Variants in PHB2 observed in about 807,000 individuals in gnomAD.
PHB2 encodes the protein prohibitin 2.
A neutral mutation model predicts 46.4 loss-of-function variants in PHB2; 22 were observed. The observed-to-expected ratio is 0.47, with a 90% CI of 0.34 to 0.68. The LOEUF (loss-of-function observed/expected upper bound fraction) is 0.68. PHB2 is among the 30% of genes least tolerant of loss of function. PHB2 has a pLI of 0.01. For synonymous variants in PHB2, 156 were observed against 150.5 expected (o/e 1.04, Z -0.27); for missense variants, 305 against 382.8 (o/e 0.80, Z 1.70).
chr12:6,969,755 CG>C, intron 2 of PHB2, among the ~76,000 whole-genome samples, 178 bp from the exon 3 acceptor site: 1 of 152,142 alleles, frequency 6.6e-6, no homozygotes, highest in East Asian at 1.9e-4. Context: ...AAAAATTAGC[CG>C]GGCGTGGTGG....
chr12:6,970,703 C>T, upstream of PHB2: 2 of 982,490 alleles, frequency 2.0e-6, no homozygotes, highest in Non-Finnish European at 2.9e-6. Flanking sequence ...AAACCCTCCC[C>T]CTTAGCCCAC....
intron 2 of PHB2, 46 bp downstream of exon 2, chr12:6,970,150 C>A: frequency 7.2e-7 from 1 of 1,396,700 alleles, no homozygotes; most frequent in Non-Finnish European, 1.0e-6. Context: ...GCTGGGTCGG[C>A]GTCAAGGGTG....
rs1555151960 is a variant in PHB2, at chr12:6,970,550, T to C, written c.-7A>G. On this transcript the variant is annotated 5_prime_UTR_variant, in exon 1 of 10. Transcript: ENST00000535923. ...CCTTCAAGTTCTGGGCCATGTCTGATCTTGAGGCCGGCGGCACTGGAGGTC... is the reference window on the plus strand; with the variant it reads ...CCTTCAAGTTCTGGGCCATGTCTGACCTTGAGGCCGGCGGCACTGGAGGTC... The C allele has an allele frequency of 4.4e-6, 7 of 1,590,838 alleles. No homozygotes were observed. In the South Asian group the frequency reaches 5.6e-5, roughly 13 times the overall value.
At chr12:6,968,079 AAAGG>A (rs1555151199) in intron 4 of PHB2, 58 bp from the exon 5 acceptor site, 2 of 1,505,574 alleles carry the variant, frequency 1.3e-6, no homozygotes, top group African/African-American at 2.8e-5. Flanking sequence ...TGGGGAGCTG[AAAGG>A]AAGGTTGCGA....
In PHB2 at chr12:6,970,183, T is replaced by C. The variant is rs782509430; in HGVS notation, c.212+13A>G. On this transcript the variant is annotated intron_variant, in intron 2 of 9. Transcript: ENST00000535923. ...GTGAAAGGTCAGGGTCAGCAGGCTCTGCCCGCCATTACCTGAAGTGAAGGC... is the reference window on the plus strand; with the variant it reads ...GTGAAAGGTCAGGGTCAGCAGGCTCCGCCCGCCATTACCTGAAGTGAAGGC... 1.9e-6 allele frequency: 3 copies of C among 1,602,142 alleles called. No individual in the cohort carries two copies. In the South Asian group the frequency reaches 3.3e-5, roughly 18 times the overall value.
chr12:6,966,454 A>G lies in PHB2; in HGVS notation c.836T>C (p.Val279Ala). The G allele has an allele frequency of 6.2e-7, 1 of 1,611,008 alleles. No homozygotes were observed. Among genetic ancestry groups the G allele is most frequent in the Non-Finnish European group, 8.5e-7 (1 of 1,177,160 alleles). The change falls in exon 8 of 10, where the codon GTG becomes GCG. Residue 279 changes from valine (V) to alanine (A), a missense_variant. By Grantham distance (64) the Val-to-Ala change is moderately conservative (BLOSUM62 0). Around this residue, in one of 3 missense-constraint regions of PHB2, gnomAD observed 241 missense variants for 302.7 expected, o/e 0.80. Transcript: ENST00000535923. ...NRIYLTADNLVLNLQDESFTR... is the reference protein window; with the variant it reads ...NRIYLTADNLALNLQDESFTR... The stretch of plus-strand genomic sequence containing the variant: ...GAAACTTTCATCCTGTAGGTTCAGC[A>G]CAAGGTTGTCAGCTGTGAGATAGAT...
chr12:6,967,775 C>T lies in PHB2; in HGVS notation c.612G>A (p.Gln204=), dbSNP rs782505939. The T allele has an allele frequency of 6.2e-7, 1 of 1,613,616 alleles. No individual in the cohort carries two copies. The highest frequency in any genetic ancestry group is 1.1e-5 in the South Asian group (1 of 91,044). ...AGAATTGGGCCCGCTGGGCCTCCTG[C>T]TGGGCTGTGGTGGGAGAGAGTCAGG... ...TAAVEAKQVA[Q]QEAQRAQFLV... is the part of the protein sequence containing the mutation. Residue 204 remains glutamine, a synonymous_variant, in exon 6 of 10, where the codon CAG becomes CAA. Coordinates refer to ENST00000535923, the MANE Select transcript of PHB2 (RefSeq NM_001144831.2). The surrounding 1 kb of genome is among the most constrained non-coding windows in gnomAD (Gnocchi z 4.9).
In PHB2 at chr12:6,967,419, C is replaced by T; in HGVS notation, c.712-171G>A. On this transcript the variant is annotated intron_variant, in intron 6 of 9. Transcript: ENST00000535923. This position sits in a 1 kb window ranked among gnomAD's most constrained non-coding sequence, Gnocchi z 4.9. ...CTGTGGGCCTCCCTGCAGGCTGCTG[C>T]CAGGAACTAGGGGCAGCACCAGAAA... is the stretch of plus-strand genomic sequence containing the variant. The T allele has an allele frequency of 6.8e-7, 1 of 1,465,236 alleles. No homozygotes were observed. 90.8% of individuals were successfully genotyped at this position (1,465,236 alleles called of 1,614,324 possible). A position where few individuals can be genotyped will look rare whatever the true frequency, so the allele number is the denominator to read the frequency against.
In PHB2 at chr12:6,965,561, C is replaced by T. The variant is rs188386815; in HGVS notation, c.*124G>A. 1.5e-4 allele frequency: 113 copies of T among 754,976 alleles called. No homozygotes were observed. In the East Asian group the frequency reaches 2.2e-3, roughly 15 times the overall value. The allele number at this position is 754,976 out of a possible 1,614,324, so 46.8% of individuals were successfully genotyped here. ...TTAATCCAAGAGGGGTTCAGGGAAC[C>T]GGTGTGGGGGACCATCGCATGATAC... is the stretch of plus-strand genomic sequence containing the variant. On this transcript the variant is annotated 3_prime_UTR_variant, in exon 10 of 10. Coordinates refer to ENST00000535923, the MANE Select transcript of PHB2 (RefSeq NM_001144831.2).
At chr12:6,970,123 G>T in intron 2 of PHB2, 73 bp downstream of exon 2, 2 of 1,102,278 alleles carry the variant, frequency 1.8e-6, no homozygotes. Flanking sequence ...CCTGTTGCAC[G>T]TCCGACTATA....
intron 8 of PHB2, 128 bp from the exon 9 acceptor site, chr12:6,966,044 C>T: frequency 1.0e-6 from 1 of 995,054 alleles, no homozygotes; most frequent in Non-Finnish European, 1.5e-6. Context: ...ACAGGGTTGA[C>T]AGCCAGGAAT....
Position 6,967,578 on chromosome 12 carries a change from G to A in PHB2, c.711+98C>T. ...GGAGCCAAGGGCCAGAGAGCACGGA[G>A]TCGCATTCGCCTTAGTCTCATCAGC... On this transcript the variant is annotated intron_variant, in intron 6 of 9. Transcript: ENST00000535923. This position sits in a 1 kb window ranked among gnomAD's most constrained non-coding sequence, Gnocchi z 4.9. The A allele has an allele frequency of 9.6e-7, 1 of 1,038,934 alleles. No individual in the cohort carries two copies. The highest frequency in any genetic ancestry group is 1.5e-6 in the Non-Finnish European group (1 of 662,146). The allele number at this position is 1,038,934 out of a possible 1,614,324, so 64.4% of individuals were successfully genotyped here. A position where few individuals can be genotyped will look rare whatever the true frequency, so the allele number is the denominator to read the frequency against.
chr12:6,965,411 G>C lies in PHB2; in HGVS notation c.*274C>G. The C allele has an allele frequency of 1.9e-6, 1 of 532,518 alleles. No individual in the cohort carries two copies. Among genetic ancestry groups the C allele is most frequent in the South Asian group, 2.2e-5 (1 of 45,728 alleles). The allele number at this position is 532,518 out of a possible 1,614,324, so 33.0% of individuals were successfully genotyped here. On this transcript the variant is annotated 3_prime_UTR_variant, in exon 10 of 10. Transcript: ENST00000535923. ...CTGGGTTGGTGTTTATCTCCTCCCA[G>C]CCTTGAGGGAGGGAACAACACTGTA...
In PHB2 at chr12:6,970,511, C is replaced by T. The variant is rs782773826; in HGVS notation, c.33G>A (p.Arg11=). 6 of 1,604,416 alleles carry T rather than the reference C, an allele frequency of 3.7e-6. No individual in the cohort carries two copies. Among genetic ancestry groups the T allele is most frequent in the South Asian group, 3.3e-5 (3 of 90,876 alleles). The part of the protein sequence containing the change: MAQNLKDLAG[R]LPAGPRGMGT... Reference sequence around the variant, plus strand: ...CCATGCCCCGGGGCCCGGCGGGCAGCCGTCCCGCCAAGTCCTTCAAGTTCT... The same window carrying T: ...CCATGCCCCGGGGCCCGGCGGGCAGTCGTCCCGCCAAGTCCTTCAAGTTCT... The change falls in exon 1 of 10, where the codon CGG becomes CGA. Residue 11 remains arginine (R), a synonymous_variant. Coordinates refer to ENST00000535923, the MANE Select transcript of PHB2 (RefSeq NM_001144831.2).
chr12:6,965,549 G>A lies in PHB2; in HGVS notation c.*136C>T. On this transcript the variant is annotated 3_prime_UTR_variant, in exon 10 of 10. Coordinates refer to ENST00000535923, the MANE Select transcript of PHB2 (RefSeq NM_001144831.2). ...CTTCAGTCTTCCTTAATCCAAGAGG[G>A]GTTCAGGGAACCGGTGTGGGGGACC... 2 of 723,094 alleles carry A rather than the reference G, an allele frequency of 2.8e-6. No individual in the cohort carries two copies. The highest frequency in any genetic ancestry group is 1.5e-5 in the South Asian group (1 of 67,290). The allele number at this position is 723,094 out of a possible 1,614,324, so 44.8% of individuals were successfully genotyped here.
At position 6,970,238 on chromosome 12, in the gene PHB2, CCA is replaced by C; in HGVS notation, c.168_169del (p.Gly57SerfsTer25). On this transcript the variant is annotated frameshift_variant, in exon 2 of 10. Transcript: ENST00000535923. LOFTEE classifies it high-confidence loss of function. ...GGCCAGGATAGTGTCCTGCTGCACT[CCA>C]CCGATCCGATTGAAGAAGATGGCTC... is the stretch of plus-strand genomic sequence containing the variant. The C allele has an allele frequency of 6.2e-7, 1 of 1,613,886 alleles. No homozygotes were observed. The highest frequency in any genetic ancestry group is 8.5e-7 in the Non-Finnish European group (1 of 1,179,874).
intron 1 of PHB2, 34 bp from the exon 2 acceptor site, chr12:6,970,314 G>A: frequency 1.2e-6 from 2 of 1,607,636 alleles, no homozygotes; most frequent in Non-Finnish European, 8.5e-7. Flanking sequence ...AGGCCAGGCC[G>A]CTGCTCAGAG....
intron 4 of PHB2, 33 bp from the exon 5 acceptor site, chr12:6,968,054 G>GT (rs1946246437): frequency 6.4e-7 from 1 of 1,563,788 alleles, no homozygotes; most frequent in African/African-American, 1.4e-5. Flanking sequence ...GAAGGGAGGG[G>GT]TGGTTTGAGG....
At position 6,967,657 on chromosome 12, in the gene PHB2, C is replaced by T; in HGVS notation, c.711+19G>A. ...GGTGCCCTAGGGGCTGGGCTGAGATCTCTCCAGCAGAAGGATATCATCTTG... is the reference window on the plus strand; with the variant it reads ...GGTGCCCTAGGGGCTGGGCTGAGATTTCTCCAGCAGAAGGATATCATCTTG... On this transcript the variant is annotated intron_variant, in intron 6 of 9. Transcript: ENST00000535923. This position sits in a 1 kb window ranked among gnomAD's most constrained non-coding sequence, Gnocchi z 4.9. The T allele has an allele frequency of 3.1e-6, 5 of 1,592,350 alleles. No individual in the cohort carries two copies. The highest frequency in any genetic ancestry group is 4.3e-6 in the Non-Finnish European group (5 of 1,160,740).
Sources: allele counts gnomAD v4.1 joint callset (sites outside exome capture counted in the v4.1 genomes callset), GRCh38; gene constraint gnomAD v4.1.1; regional missense constraint gnomAD v4.1.1; non-coding constraint Gnocchi (gnomAD v3.1); transcripts MANE v1.5; gene names NCBI Gene and HGNC (gene_info 2026-07-23, HGNC 2026-07-21).